The following RNGTT variants were observed in gnomAD, a reference collection of about 807,000 sequenced individuals.
RNGTT encodes the protein mRNA-capping enzyme.
In RNGTT, 33 loss-of-function variants were observed where a neutral mutation model predicts 79.3. The observed-to-expected ratio is 0.42, with a 90% CI of 0.32 to 0.56. The LOEUF is 0.56. Among genes scored for constraint, RNGTT ranks in the 20% least tolerant of loss-of-function variants. The pLI is 0.17. For missense variants in RNGTT, 497 were observed against 739.1 expected (o/e 0.67, Z 3.80); for synonymous variants, 222 against 235.9 (o/e 0.94, Z 0.54).
chr6:88,704,896 G>A (rs1186676709), intron 13 of RNGTT, among the ~76,000 whole-genome samples: 1 of 151,840 alleles, frequency 6.6e-6, no homozygotes, highest in Non-Finnish European at 1.5e-5. Flanking sequence ...TTACTTATAG[G>A]ATATGTCAGA....
chr6:88,613,138 C>T lies in RNGTT; in HGVS notation c.1631-256G>A, dbSNP rs138195141. On this transcript the variant is annotated intron_variant, in intron 15 of 15. Transcript: ENST00000369485. ...TTGGGCTATAAGCATGTCTTCCCCACGGTTTTCTATCCCTCCCAAACCAGT... is the reference window on the plus strand; with the variant it reads ...TTGGGCTATAAGCATGTCTTCCCCATGGTTTTCTATCCCTCCCAAACCAGT... Among the ~76,000 whole-genome samples, 6 of 152,314 alleles carry T rather than the reference C, an allele frequency of 3.9e-5. No homozygotes were observed. The South Asian group carries it at 1.0e-3, about 26-fold the overall frequency.
At chr6:88,745,190 C>G (rs1344372968) in intron 13 of RNGTT, among the ~76,000 whole-genome samples, 1 of 152,164 alleles carries the variant, frequency 6.6e-6, no homozygotes, top group Non-Finnish European at 1.5e-5. Context: ...CCGCATATAC[C>G]ACCTTTAACA....
At chr6:88,787,888 G>A (rs536329361) in intron 12 of RNGTT, among the ~76,000 whole-genome samples, 2 of 152,314 alleles carry the variant, frequency 1.3e-5, no homozygotes, top group East Asian at 3.9e-4. Context: ...AAAGATGACA[G>A]CTAGATTTCT....
At chr6:88,946,707 C>G (rs898021383) in intron 1 of RNGTT, among the ~76,000 whole-genome samples, 1 of 151,528 alleles carries the variant, frequency 6.6e-6, no homozygotes, top group African/African-American at 2.4e-5. Context: ...CATGCGGAGC[C>G]GAAGCTGGAC....
chr6:88,719,530 C>G (rs910840817), intron 13 of RNGTT, among the ~76,000 whole-genome samples: 4 of 152,144 alleles, frequency 2.6e-5, no homozygotes, highest in African/African-American at 9.7e-5. Context: ...ACCTCTAATC[C>G]TTTACATTTG....
At chr6:88,624,830 G>A (rs9444637) in intron 14 of RNGTT, among the ~76,000 whole-genome samples, 4,545 of 151,808 alleles carry the variant, frequency 0.03, 228 homozygotes, top group African/African-American at 0.1. Context: ...ATATCTGACA[G>A]AGAATTTGTA....
intron 8 of RNGTT, among the ~76,000 whole-genome samples, chr6:88,871,307 T>A (rs1303228006): frequency 6.6e-6 from 1 of 151,504 alleles, no homozygotes; most frequent in Non-Finnish European, 1.5e-5. Flanking sequence ...GAATGTTCCA[T>A]ACAATAGAAT....
At chr6:88,816,021 A>G (rs1360982761) in intron 11 of RNGTT, among the ~76,000 whole-genome samples, 1 of 152,238 alleles carries the variant, frequency 6.6e-6, no homozygotes, top group Non-Finnish European at 1.5e-5. Context: ...TATAAAAATA[A>G]GACCTAAGAT....
chr6:88,771,338 TATATATATATATACACACAC>T (rs1371689290), intron 12 of RNGTT, among the ~76,000 whole-genome samples: 1 of 127,176 alleles, frequency 7.9e-6, no homozygotes, highest in African/African-American at 3.3e-5. Flanking sequence ...TATATATATA[TATATATATATATACACACAC>T]ACACACACAC....
intron 14 of RNGTT, among the ~76,000 whole-genome samples, chr6:88,644,919 A>T (rs190205041): frequency 2.6e-5 from 4 of 152,216 alleles, no homozygotes; most frequent in African/African-American, 7.2e-5. Flanking sequence ...AAAAACTGGA[A>T]GCATTCCCTT....
At chr6:88,854,053 TA>T (rs1463014190) in intron 8 of RNGTT, among the ~76,000 whole-genome samples, 7 of 151,680 alleles carry the variant, frequency 4.6e-5, no homozygotes, top group Non-Finnish European at 4.4e-5. Flanking sequence ...GCCTCCAGAG[TA>T]GCTGGAATTA....
chr6:88,764,917 G>T (rs1309033239), intron 13 of RNGTT, among the ~76,000 whole-genome samples: 4 of 152,134 alleles, frequency 2.6e-5, no homozygotes, highest in Non-Finnish European at 2.9e-5. Flanking sequence ...TTTGGGCCAG[G>T]TGCGGTGGCT....
chr6:88,644,280 C>A (rs1582270689), intron 14 of RNGTT, among the ~76,000 whole-genome samples: 1 of 151,482 alleles, frequency 6.6e-6, no homozygotes, highest in Non-Finnish European at 1.5e-5. Flanking sequence ...TCGACACATA[C>A]ACTCTCCCAA....
intron 14 of RNGTT, among the ~76,000 whole-genome samples, chr6:88,664,936 A>G (rs1017292945): frequency 6.6e-6 from 1 of 152,154 alleles, no homozygotes; most frequent in African/African-American, 2.4e-5. Flanking sequence ...TTGGAGCAAC[A>G]GGAGTTTTGA....
At chr6:88,892,781 G>T (rs1489074287) in intron 6 of RNGTT, among the ~76,000 whole-genome samples, 3 of 152,020 alleles carry the variant, frequency 2.0e-5, no homozygotes, top group Admixed American at 6.6e-5. Flanking sequence ...TAGTCTACAA[G>T]CTACAACGTT....
In RNGTT at chr6:88,904,844, G is replaced by A. The variant is rs1332419164; in HGVS notation, c.555C>T (p.Pro185=). The change falls in exon 6 of 16, where the codon CCC becomes CCT. Residue 185 remains proline (P), a synonymous_variant. Coordinates refer to ENST00000369485, the MANE Select transcript of RNGTT (RefSeq NM_003800.5). ...AACACCAATCTGGCAATAGAGGTGG[G>A]GGTGGTGCTTCCTCTATGTCACCAT... ...RRYGDIEEAP[P]PPLLPDWCFE... 9 of 1,613,956 alleles carry A rather than the reference G, an allele frequency of 5.6e-6. No homozygotes were observed. The highest frequency in any genetic ancestry group is 2.2e-5 in the East Asian group (1 of 44,854).
intron 13 of RNGTT, among the ~76,000 whole-genome samples, chr6:88,698,290 TCA>T (rs1491329513): frequency 7.9e-6 from 1 of 127,036 alleles, no homozygotes; most frequent in African/African-American, 3.5e-5. Flanking sequence ...TTCATATATA[TCA>T]TATATATATG....
At chr6:88,651,034 C>T (rs1477504539) in intron 14 of RNGTT, among the ~76,000 whole-genome samples, 1 of 151,980 alleles carries the variant, frequency 6.6e-6, no homozygotes, top group Non-Finnish European at 1.5e-5. Flanking sequence ...AAGATAAACA[C>T]TCAACATGAC....
chr6:88,670,504 A>T (rs1774594865), intron 14 of RNGTT, among the ~76,000 whole-genome samples: 1 of 152,220 alleles, frequency 6.6e-6, no homozygotes, highest in South Asian at 2.1e-4. Context: ...GGGGGGAATA[A>T]GGAAGGAGAC....
Sources: gnomAD v4.1 joint callset for allele counts (sites outside exome capture counted in the v4.1 genomes callset) on GRCh38, gnomAD v4.1.1 for gene constraint, MANE v1.5 for transcripts, NCBI Gene and HGNC (gene_info 2026-07-23, HGNC 2026-07-21) for gene names.